Variants in MAGI3 observed in about 807,000 individuals in gnomAD.
MAGI3 encodes the protein membrane-associated guanylate kinase, WW and PDZ domain-containing protein 3.
A neutral mutation model predicts 121.8 loss-of-function variants in MAGI3; 43 were observed. The observed-to-expected ratio is 0.35, with a 90% CI of 0.28 to 0.46. MAGI3 has a LOEUF of 0.46. Among genes scored for constraint, MAGI3 ranks in the 20% least tolerant of loss-of-function variants. The pLI is 1.00. For missense variants in MAGI3, 1,547 were observed against 1,797.3 expected (o/e 0.86, Z 2.52); for synonymous variants, 553 against 639.3 (o/e 0.86, Z 2.04).
At chr1:113,662,468 A>C (rs1450001251) in intron 16 of MAGI3, among the ~76,000 whole-genome samples, 1 of 152,222 alleles carries the variant, frequency 6.6e-6, no homozygotes, top group African/African-American at 2.4e-5. Flanking sequence ...TTTCAAAATT[A>C]ATTTCAAATT....
At chr1:113,475,190 C>A (rs1655751086) in intron 1 of MAGI3, among the ~76,000 whole-genome samples, 1 of 152,158 alleles carries the variant, frequency 6.6e-6, no homozygotes, top group African/African-American at 2.4e-5. Context: ...CAAAGAGGGA[C>A]AATTTAACTT....
chr1:113,479,050 C>T (rs1449996292), intron 1 of MAGI3, among the ~76,000 whole-genome samples: 1 of 152,236 alleles, frequency 6.6e-6, no homozygotes, highest in Non-Finnish European at 1.5e-5. Flanking sequence ...GTGGGAGCTG[C>T]CAAGCCAGGC....
In MAGI3 at chr1:113,391,022, G is replaced by T; in HGVS notation, c.-12G>T. ...CGCGCGGGGTCTCCCCCATGGTGCA[G>T]CGGGGTTCGGGATGTCGAAGACGCT... On this transcript the variant is annotated 5_prime_UTR_variant, in exon 1 of 21. Transcript: ENST00000307546. This position sits in a 1 kb window ranked among gnomAD's most constrained non-coding sequence, Gnocchi z 4.4. 6.4e-7 allele frequency: 1 copy of T among 1,571,134 alleles called. No individual in the cohort carries two copies. Among genetic ancestry groups the T allele is most frequent in the Non-Finnish European group, 8.6e-7 (1 of 1,160,286 alleles).
chr1:113,455,436 C>T (rs1348302831), intron 1 of MAGI3, among the ~76,000 whole-genome samples: 3 of 151,948 alleles, frequency 2.0e-5, no homozygotes, highest in African/African-American at 7.3e-5. Context: ...CCATTGTTCT[C>T]AAGATAAAGA....
At chr1:113,454,453 C>T (rs1156743539) in intron 1 of MAGI3, among the ~76,000 whole-genome samples, 2 of 152,112 alleles carry the variant, frequency 1.3e-5, no homozygotes, top group African/African-American at 4.8e-5. Context: ...TCAGTTACCT[C>T]ATTATAAAAT....
In MAGI3 at chr1:113,685,540, A is replaced by T. The variant is rs1409136745; in HGVS notation, c.*1526A>T. On this transcript the variant is annotated 3_prime_UTR_variant, in exon 21 of 21. Transcript: ENST00000307546. Reference sequence around the variant, plus strand: ...GTGAGATTTTTGAAATCCCCTTTTCATCCAGAACTATATTTACCCACCTAT... The same window carrying T: ...GTGAGATTTTTGAAATCCCCTTTTCTTCCAGAACTATATTTACCCACCTAT... 6.6e-6 allele frequency: 1 copy of T among 152,358 alleles called. No homozygotes were observed. The highest frequency in any genetic ancestry group is 1.5e-5 in the Non-Finnish European group (1 of 68,038). 9.4% of individuals were successfully genotyped at this position (152,358 alleles called of 1,614,324 possible).
At chr1:113,476,680 A>G (rs12067280) in intron 1 of MAGI3, among the ~76,000 whole-genome samples, 3,584 of 152,174 alleles carry the variant, frequency 0.024, 153 homozygotes, top group African/African-American at 0.082. Context: ...ATGTGGTGCT[A>G]ACAAGAATGT....
chr1:113,542,759 G>A (rs536926209), intron 1 of MAGI3, among the ~76,000 whole-genome samples: 3 of 152,200 alleles, frequency 2.0e-5, no homozygotes, highest in African/African-American at 7.2e-5. Context: ...AGGTACATAC[G>A]CGTGTGCACA....
intron 1 of MAGI3, among the ~76,000 whole-genome samples, chr1:113,401,517 G>A (rs566082627): frequency 3.9e-4 from 59 of 152,032 alleles, no homozygotes; most frequent in East Asian, 3.9e-3. Flanking sequence ...TTTTTATTGC[G>A]GAAAATATTC....
At chr1:113,533,281 G>A (rs952850305) in intron 1 of MAGI3, among the ~76,000 whole-genome samples, 2 of 152,174 alleles carry the variant, frequency 1.3e-5, no homozygotes, top group Middle Eastern at 3.2e-3. Flanking sequence ...CATGTCCTTT[G>A]CAGCAACTTC....
chr1:113,424,927 A>G (rs1652920743), intron 1 of MAGI3, among the ~76,000 whole-genome samples: 2 of 152,164 alleles, frequency 1.3e-5, no homozygotes, highest in African/African-American at 2.4e-5. Flanking sequence ...TGAGGTCAGG[A>G]GTTTAAGACC....
chr1:113,582,213 A>G (rs1648081736), intron 3 of MAGI3, among the ~76,000 whole-genome samples: 1 of 152,146 alleles, frequency 6.6e-6, no homozygotes, highest in African/African-American at 2.4e-5. Flanking sequence ...ATCCTTCTGG[A>G]GAGCATCGTG....
intron 1 of MAGI3, among the ~76,000 whole-genome samples, chr1:113,529,909 TTCA>T (rs1329645543): frequency 6.6e-6 from 1 of 151,976 alleles, no homozygotes; most frequent in Non-Finnish European, 1.5e-5. Flanking sequence ...CACCAGAAAA[TTCA>T]TCTTAAGTTT....
chr1:113,479,640 T>C (rs78847263), intron 1 of MAGI3, among the ~76,000 whole-genome samples: 3,540 of 152,320 alleles, frequency 0.023, 134 homozygotes, highest in African/African-American at 0.081. Flanking sequence ...TTCATTTTTT[T>C]CTTCCAGATT....
intron 9 of MAGI3, among the ~76,000 whole-genome samples, chr1:113,632,896 T>C (rs1416982345): frequency 7.1e-6 from 1 of 140,904 alleles, no homozygotes; most frequent in Non-Finnish European, 1.6e-5. Context: ...GTTTAGTTTT[T>C]TAGTTTTTTT....
chr1:113,626,620 A>G (rs1651255478), intron 9 of MAGI3, among the ~76,000 whole-genome samples: 1 of 152,066 alleles, frequency 6.6e-6, no homozygotes, highest in African/African-American at 2.4e-5. Flanking sequence ...TATGGCTTCA[A>G]TCTTGTTGCT....
At chr1:113,682,575 G>T in intron 20 of MAGI3, 1 of 1,216,980 alleles carries the variant, frequency 8.2e-7, no homozygotes, top group Non-Finnish European at 1.0e-6. Flanking sequence ...ACGTAATTTG[G>T]TTCAGCTTTA....
In MAGI3 at chr1:113,393,470, G is replaced by A. The variant is rs116977733; in HGVS notation, c.316+2121G>A. Among the ~76,000 whole-genome samples the A allele has an allele frequency of 4.9e-4, 75 of 152,254 alleles. No individual in the cohort carries two copies. The East Asian group carries it at 0.014, about 28-fold the overall frequency. On this transcript the variant is annotated intron_variant, in intron 1 of 20. Coordinates refer to ENST00000307546, the MANE Select transcript of MAGI3 (RefSeq NM_001142782.2). ...GATTAATATTGTTTCTAAGCAGGTTGTAATTTAAAATTTTTAATCTCTTTT... is the reference window on the plus strand; with the variant it reads ...GATTAATATTGTTTCTAAGCAGGTTATAATTTAAAATTTTTAATCTCTTTT...
At chr1:113,623,123 A>C (rs1024777563) in intron 9 of MAGI3, 129 bp downstream of exon 9, 14 of 674,470 alleles carry the variant, frequency 2.1e-5, no homozygotes, top group Non-Finnish European at 3.1e-5. Context: ...TTCCAGTATT[A>C]AAATAGTTTA....
Sources: allele counts gnomAD v4.1 joint callset (sites outside exome capture counted in the v4.1 genomes callset), GRCh38; gene constraint gnomAD v4.1.1; non-coding constraint Gnocchi (gnomAD v3.1); transcripts MANE v1.5; gene names NCBI Gene and HGNC (gene_info 2026-07-23, HGNC 2026-07-21).